GLRA2: variants seen among roughly 807,000 people sequenced by gnomAD.
The protein encoded by GLRA2 is glycine receptor alpha 2, also known as glycine receptor subunit alpha-2.
GLRA2 carries 11 observed loss-of-function variants against 31.6 expected under a neutral mutation model. The observed-to-expected ratio is 0.35, with a 90% confidence interval of 0.22 to 0.58. GLRA2 has a LOEUF of 0.58. Ranked by LOEUF, GLRA2 falls within the 20% of genes least tolerant of loss-of-function variation. The pLI is 0.84. For missense variants in GLRA2, 212 were observed against 351.8 expected (o/e 0.60, Z 3.18); for synonymous variants, 132 against 134.0 (o/e 0.99, Z 0.10).
chrX:14,630,176 T>A (rs1351511357), intron 7 of GLRA2, among the ~76,000 whole-genome samples: 2 of 111,862 alleles, frequency 1.8e-5, no homozygotes, highest in Non-Finnish European at 3.8e-5. Context: ...AAAAGTCTTT[T>A]ATTTCATGTT....
intron 2 of GLRA2, among the ~76,000 whole-genome samples, chrX:14,570,155 G>T (rs2089864119): frequency 8.9e-6 from 1 of 111,845 alleles, no homozygotes; most frequent in African/African-American, 3.3e-5. Flanking sequence ...TGATTGAAAA[G>T]TTTTGGAAAC....
intron 7 of GLRA2, among the ~76,000 whole-genome samples, chrX:14,633,674 T>G (rs2090677295): frequency 9.0e-6 from 1 of 111,515 alleles, no homozygotes; most frequent in Non-Finnish European, 1.9e-5. Context: ...TTTAATTGAC[T>G]CATAGTTCTG....
intron 2 of GLRA2, among the ~76,000 whole-genome samples, chrX:14,544,358 T>C (rs750580891): frequency 1.1e-4 from 12 of 111,910 alleles, no homozygotes; most frequent in Non-Finnish European, 1.9e-4. Context: ...GAGATATTTC[T>C]TCAGCAGTAT....
At chrX:14,460,525 A>G in the GLRA2 span, among the ~76,000 whole-genome samples, 2 of 111,823 alleles carry the variant, frequency 1.8e-5, no homozygotes, top group Non-Finnish European at 3.8e-5. Flanking sequence ...TTGGTTGGCT[A>G]TTAATTATTG....
At chrX:14,658,441 T>A (rs1030454464) in intron 7 of GLRA2, among the ~76,000 whole-genome samples, 19 of 111,902 alleles carry the variant, frequency 1.7e-4, no homozygotes, top group African/African-American at 6.2e-4. Flanking sequence ...ACACTTCTGA[T>A]AATCTTTCTC....
chrX:14,619,454 T>C (rs1477395141), intron 7 of GLRA2, among the ~76,000 whole-genome samples: 1 of 111,145 alleles, frequency 9.0e-6, no homozygotes, highest in Non-Finnish European at 1.9e-5. Context: ...AGCTCACTGC[T>C]TCAGGCACAC....
At chrX:14,525,858 C>T (rs980577050), upstream of GLRA2, among the ~76,000 whole-genome samples, 6 of 111,762 alleles carry the variant, frequency 5.4e-5, no homozygotes, top group African/African-American at 1.9e-4. Context: ...GTTTAAGCCA[C>T]AAATTTCTGG....
the GLRA2 span, among the ~76,000 whole-genome samples, chrX:14,465,658 G>C: frequency 8.9e-6 from 1 of 112,194 alleles, no homozygotes; most frequent in African/African-American, 3.2e-5. Flanking sequence ...TTGGGTCTCA[G>C]TTTCTCAAGT....
chrX:14,493,672 T>C, the GLRA2 span, among the ~76,000 whole-genome samples: 4 of 97,440 alleles, frequency 4.1e-5, 1 homozygote, highest in African/African-American at 1.6e-4. Flanking sequence ...TATATATGTA[T>C]ACATGTGTAT....
intron 8 of GLRA2, among the ~76,000 whole-genome samples, chrX:14,692,261 T>C (rs2091372349): frequency 8.9e-6 from 1 of 112,581 alleles, no homozygotes; most frequent in African/African-American, 3.2e-5. Context: ...CCTTTTAATG[T>C]TGTGCCTTTC....
the GLRA2 span, among the ~76,000 whole-genome samples, chrX:14,454,852 G>A: frequency 8.9e-6 from 1 of 111,931 alleles, no homozygotes; most frequent in South Asian, 3.7e-4. Flanking sequence ...CCTCATTAGA[G>A]ACTATAAATA....
intron 3 of GLRA2, among the ~76,000 whole-genome samples, chrX:14,577,324 G>T (rs1275671683): frequency 1.8e-5 from 2 of 113,221 alleles, no homozygotes; most frequent in Non-Finnish European, 3.7e-5. Context: ...ACAGGCCATA[G>T]GTTGCCAGCC....
At chrX:14,546,937 T>TACC (rs2089490008) in intron 2 of GLRA2, among the ~76,000 whole-genome samples, 1 of 111,825 alleles carries the variant, frequency 8.9e-6, no homozygotes, top group Non-Finnish European at 1.9e-5. Flanking sequence ...AATAAGCAGG[T>TACC]ACCCTCTCAG....
the GLRA2 span, among the ~76,000 whole-genome samples, chrX:14,507,971 G>C: frequency 9.0e-6 from 1 of 110,625 alleles, no homozygotes; most frequent in Non-Finnish European, 1.9e-5. Context: ...TGGGATTACA[G>C]GCGTGAGCCA....
intron 7 of GLRA2, among the ~76,000 whole-genome samples, chrX:14,652,621 T>G (rs1312890121): frequency 1.8e-5 from 2 of 111,421 alleles, no homozygotes; most frequent in Non-Finnish European, 3.8e-5. Context: ...TCTTTGATTT[T>G]ACTATTATAA....
At chrX:14,481,010 A>G in the GLRA2 span, among the ~76,000 whole-genome samples, 1 of 111,409 alleles carries the variant, frequency 9.0e-6, no homozygotes, top group African/African-American at 3.3e-5. Flanking sequence ...ATCCATGAGC[A>G]TTGAATGTTT....
intron 7 of GLRA2, among the ~76,000 whole-genome samples, chrX:14,675,062 C>A (rs1040635209): frequency 6.3e-5 from 7 of 111,973 alleles, no homozygotes; most frequent in Non-Finnish European, 9.4e-5. Flanking sequence ...ATGTGCTTGT[C>A]TATCAGCCAA....
At chrX:14,582,321 G>GT (rs2090030331) in intron 4 of GLRA2, among the ~76,000 whole-genome samples, 1 of 106,117 alleles carries the variant, frequency 9.4e-6, no homozygotes, top group Non-Finnish European at 1.9e-5. Context: ...GCGGTGTTTG[G>GT]TTTTTTCTTC....
At chrX:14,498,870 C>T in the GLRA2 span, among the ~76,000 whole-genome samples, 3 of 111,582 alleles carry the variant, frequency 2.7e-5, no homozygotes, top group Non-Finnish European at 5.7e-5. Flanking sequence ...TGATATTTGT[C>T]TTTCTGAGCT....
Sources: allele counts gnomAD v4.1 joint callset (sites outside exome capture counted in the v4.1 genomes callset), GRCh38; gene constraint gnomAD v4.1.1; transcripts MANE v1.5; gene names NCBI Gene and HGNC (gene_info 2026-07-23, HGNC 2026-07-21).